The following BMPR1B variants were observed in gnomAD, a reference collection of about 807,000 sequenced individuals.
The protein encoded by BMPR1B is bone morphogenetic protein receptor type-1B.
BMPR1B carries 12 observed loss-of-function variants against 59.1 expected under a neutral mutation model. That is an observed-to-expected ratio of 0.20 (90% CI 0.13 to 0.33). BMPR1B has a LOEUF of 0.33. Among genes scored for constraint, BMPR1B ranks in the 10% least tolerant of loss-of-function variants. The pLI, the probability that BMPR1B is intolerant of heterozygous loss-of-function variation, is 1.00. For missense variants in BMPR1B, 550 were observed against 610.9 expected (o/e 0.90, Z 1.05); for synonymous variants, 237 against 207.3 (o/e 1.14, Z -1.23).
At chr4:94,937,920 G>A (rs1373173897) in intron 2 of BMPR1B, among the ~76,000 whole-genome samples, 4 of 152,188 alleles carry the variant, frequency 2.6e-5, no homozygotes, top group African/African-American at 9.7e-5. Flanking sequence ...GTCCTCATAT[G>A]CTTATTTTAC....
intron 6 of BMPR1B, among the ~76,000 whole-genome samples, chr4:95,118,618 G>C (rs1338780072): frequency 1.3e-5 from 2 of 152,170 alleles, no homozygotes; most frequent in Non-Finnish European, 2.9e-5. Flanking sequence ...CAGTTGGAGT[G>C]ACAGCGCAGG....
chr4:95,055,525 C>T (rs1560621191), intron 3 of BMPR1B, among the ~76,000 whole-genome samples: 1 of 152,270 alleles, frequency 6.6e-6, no homozygotes, highest in South Asian at 2.1e-4. Context: ...AAAATGTTTT[C>T]TACTACAGCT....
intron 4 of BMPR1B, among the ~76,000 whole-genome samples, chr4:95,109,022 A>G (rs1330183038): frequency 6.6e-6 from 1 of 151,934 alleles, no homozygotes; most frequent in Non-Finnish European, 1.5e-5. Flanking sequence ...TTTTTTCTCT[A>G]TATAATCAGA....
At position 94,955,637 on chromosome 4, in the gene BMPR1B, C is replaced by CTTTTTTTTT. The variant is rs148110827; in HGVS notation, c.-112-40402_-112-40394dup. Among the ~76,000 whole-genome samples, 246 of 148,250 alleles carry CTTTTTTTTT rather than the reference C, an allele frequency of 1.7e-3. 1 individual carries two copies. Among genetic ancestry groups the CTTTTTTTTT allele is most frequent in the Middle Eastern group, 3.5e-3 (1 of 286 alleles). ...TTTACACGTATTAGCACATTTAATT[C>CTTTTTTTTT]TTTTTTTTTAAAGACAGAATCTCGC... On this transcript the variant is annotated intron_variant, in intron 2 of 12. Coordinates refer to ENST00000515059, the MANE Select transcript of BMPR1B (RefSeq NM_001203.3).
chr4:94,889,387 C>G (rs1727302530), intron 2 of BMPR1B, among the ~76,000 whole-genome samples: 1 of 152,112 alleles, frequency 6.6e-6, no homozygotes, highest in African/African-American at 2.4e-5. Context: ...TGTAGTATCT[C>G]TGTTTTTCAG....
At position 94,957,333 on chromosome 4, in the gene BMPR1B, G is replaced by GTT. The variant is rs56341742; in HGVS notation, c.-112-38681_-112-38680dup. On this transcript the variant is annotated intron_variant, in intron 2 of 12. Transcript: ENST00000515059. ...ACAGAGAGTCCACCTCCTGTTTCGT[G>GTT]TTTTTTTTTTTTTTTTTTTTTTTTT... Among the ~76,000 whole-genome samples, 234 of 65,652 alleles carry GTT rather than the reference G, an allele frequency of 3.6e-3. 12 individuals carry two copies. The highest frequency in any genetic ancestry group is 0.011 in the African/African-American group (203 of 17,962). 43.1% of individuals were successfully genotyped at this position (65,652 alleles called of 152,430 possible).
chr4:94,903,456 A>T (rs1727907904), intron 2 of BMPR1B, among the ~76,000 whole-genome samples: 1 of 151,578 alleles, frequency 6.6e-6, no homozygotes, highest in Admixed American at 6.6e-5. Context: ...TTTTTGAAAA[A>T]ATAAGGACAA....
At chr4:94,758,897 C>T (rs1721644188) in intron 1 of BMPR1B, among the ~76,000 whole-genome samples, 1 of 148,874 alleles carries the variant, frequency 6.7e-6, no homozygotes, top group Non-Finnish European at 1.5e-5. Flanking sequence ...CATCCTCTTC[C>T]CTCTGTCACT....
chr4:95,120,608 C>CATTT (rs1387920780), intron 6 of BMPR1B, among the ~76,000 whole-genome samples: 4 of 47,958 alleles, frequency 8.3e-5, no homozygotes, highest in African/African-American at 2.7e-4. Flanking sequence ...CAATAGCCTG[C>CATTT]CTTTCCTTCC....
intron 1 of BMPR1B, among the ~76,000 whole-genome samples, chr4:94,865,703 T>C (rs987656268): frequency 3.3e-5 from 5 of 152,210 alleles, no homozygotes; most frequent in Admixed American, 6.5e-5. Flanking sequence ...TGTTTTCTAC[T>C]TTAAAAATCC....
chr4:95,056,968 G>A (rs1726975337), intron 3 of BMPR1B, among the ~76,000 whole-genome samples: 1 of 152,138 alleles, frequency 6.6e-6, no homozygotes, highest in Non-Finnish European at 1.5e-5. Flanking sequence ...AAACCCCTTT[G>A]ATATAATCCC....
Position 95,042,261 on chromosome 4 carries a change from C to A in BMPR1B, c.-18+46127C>A, listed in dbSNP as rs371012336. Reference sequence around the variant, plus strand: ...ATGTCATAATTTTTACTGTTAGGTACCTACGTGTGAATAAGTGGGAGAAAA... The same window carrying A: ...ATGTCATAATTTTTACTGTTAGGTAACTACGTGTGAATAAGTGGGAGAAAA... On this transcript the variant is annotated intron_variant, in intron 3 of 12. Transcript: ENST00000515059. Among the ~76,000 whole-genome samples, 4 of 152,084 alleles carry A rather than the reference C, an allele frequency of 2.6e-5. No homozygotes were observed. In the East Asian group the frequency reaches 5.8e-4, roughly 22 times the overall value.
chr4:94,920,899 G>A (rs1728663505), intron 2 of BMPR1B, among the ~76,000 whole-genome samples: 1 of 152,106 alleles, frequency 6.6e-6, no homozygotes, highest in East Asian at 1.9e-4. Flanking sequence ...CTTTCAAGGA[G>A]ACCAAACTCA....
intron 3 of BMPR1B, among the ~76,000 whole-genome samples, chr4:95,087,165 T>G (rs533809726): frequency 6.6e-6 from 1 of 152,130 alleles, no homozygotes; most frequent in East Asian, 1.9e-4. Context: ...GTAGCTGGGA[T>G]TACAGGTGTG....
In BMPR1B at chr4:95,122,506, T is replaced by C. The variant is rs181172557; in HGVS notation, c.350-1304T>C. Among the ~76,000 whole-genome samples the C allele has an allele frequency of 4.1e-3, 625 of 152,196 alleles. 3 individuals are homozygous for C. The highest frequency in any genetic ancestry group is 6.1e-3 in the Non-Finnish European group (418 of 67,992). Reference sequence around the variant, plus strand: ...TTATAATTATGTGTCAATATAAAAATCCTGTTGCAGAAAAAAATATTTGTT... The same window carrying C: ...TTATAATTATGTGTCAATATAAAAACCCTGTTGCAGAAAAAAATATTTGTT... On this transcript the variant is annotated intron_variant, in intron 6 of 12. Transcript: ENST00000515059.
At chr4:95,136,188 C>G (rs559776982) in intron 10 of BMPR1B, among the ~76,000 whole-genome samples, 1 of 151,834 alleles carries the variant, frequency 6.6e-6, no homozygotes, top group Non-Finnish European at 1.5e-5. Context: ...CAGGACCAGA[C>G]GGACTACATT....
At chr4:95,148,229 A>G (rs1340823701) in intron 10 of BMPR1B, among the ~76,000 whole-genome samples, 2 of 152,194 alleles carry the variant, frequency 1.3e-5, no homozygotes, top group African/African-American at 4.8e-5. Context: ...ACTGTTTCAC[A>G]TGAAATTGTC....
At chr4:94,783,327 C>T (rs1578638051) in intron 1 of BMPR1B, among the ~76,000 whole-genome samples, 1 of 152,126 alleles carries the variant, frequency 6.6e-6, no homozygotes, top group African/African-American at 2.4e-5. Flanking sequence ...TTTCCTAGTT[C>T]TCTATGGTAA....
At chr4:94,822,383 T>C (rs1176426193) in intron 1 of BMPR1B, among the ~76,000 whole-genome samples, 1 of 152,174 alleles carries the variant, frequency 6.6e-6, no homozygotes, top group Admixed American at 6.5e-5. Context: ...CAGAGACCAC[T>C]TGAATGTTTA....
Sources: allele counts gnomAD v4.1 joint callset (sites outside exome capture counted in the v4.1 genomes callset), GRCh38; gene constraint gnomAD v4.1.1; transcripts MANE v1.5; gene names NCBI Gene and HGNC (gene_info 2026-07-23, HGNC 2026-07-21).